Variants in DTL observed in about 807,000 individuals in gnomAD.
DTL encodes the protein denticleless protein homolog.
A neutral mutation model predicts 87.0 loss-of-function variants in DTL; 46 were observed. The ratio of observed to expected loss-of-function variants is 0.53; its 90% CI spans 0.42 to 0.68. DTL has a LOEUF of 0.68. Ranked by LOEUF, DTL falls within the 30% of genes least tolerant of loss-of-function variation. The pLI is 0.00. For missense variants in DTL, 737 were observed against 869.4 expected (o/e 0.85, Z 1.91); for synonymous variants, 308 against 311.2 (o/e 0.99, Z 0.11).
chr1:212,094,745 T>G (rs889288115), intron 13 of DTL, among the ~76,000 whole-genome samples: 2 of 152,212 alleles, frequency 1.3e-5, no homozygotes, highest in Non-Finnish European at 2.9e-5. Context: ...GTAGGTTGTG[T>G]TTTTCCATTT....
In DTL at chr1:212,100,706, C is replaced by G. The variant is rs942593782; in HGVS notation, c.1716C>G (p.Asn572Lys). 1.2e-6 allele frequency: 2 copies of G among 1,614,022 alleles called. No homozygotes were observed. Among genetic ancestry groups the G allele is most frequent in the African/African-American group, 2.7e-5 (2 of 74,914 alleles). The change falls in exon 14 of 15, where the codon AAC (asparagine) becomes AAG (lysine). Residue 572 changes from asparagine (N) to lysine (K), a missense_variant. Coordinates refer to ENST00000366991, the MANE Select transcript of DTL (RefSeq NM_016448.4). ...SVKQKCVKSC[N>K]CVTELDGQVE... ...AACAAAAGTGTGTGAAGAGTTGTAA[C>G]TGTGTGACTGAGCTTGATGGCCAAG...
intron 5 of DTL, among the ~76,000 whole-genome samples, chr1:212,053,967 C>T (rs780397842): frequency 1.9e-4 from 29 of 152,130 alleles, no homozygotes; most frequent in Non-Finnish European, 1.5e-4. Flanking sequence ...AGATTATATT[C>T]AGGACATTGC....
chr1:212,074,198 TGATA>T (rs1654763136), intron 11 of DTL, among the ~76,000 whole-genome samples: 1 of 151,512 alleles, frequency 6.6e-6, no homozygotes, highest in African/African-American at 2.4e-5. Flanking sequence ...TATAGTTTCT[TGATA>T]GTTTTTAAAT....
At chr1:212,041,880 G>A (rs1204670087) in intron 1 of DTL, among the ~76,000 whole-genome samples, 1 of 152,076 alleles carries the variant, frequency 6.6e-6, no homozygotes, top group Non-Finnish European at 1.5e-5. Flanking sequence ...ATGACGTGAT[G>A]GCCCCAGAAC....
intron 12 of DTL, among the ~76,000 whole-genome samples, chr1:212,078,477 G>A (rs557040405): frequency 6.6e-6 from 1 of 152,198 alleles, no homozygotes; most frequent in East Asian, 1.9e-4. Flanking sequence ...AATAAGGATA[G>A]ATTTCTGGTT....
intron 12 of DTL, among the ~76,000 whole-genome samples, chr1:212,079,263 GGGA>G (rs1654923972): frequency 1.3e-5 from 2 of 151,774 alleles, no homozygotes; most frequent in African/African-American, 4.8e-5. Context: ...GCATCTTCAT[GGGA>G]CTTACTAAGT....
rs185349899 is a variant in DTL at position 212,091,287 on chromosome 1, A to G, written c.1262-8965A>G. On this transcript the variant is annotated intron_variant, in intron 13 of 14. Coordinates refer to ENST00000366991, the MANE Select transcript of DTL (RefSeq NM_016448.4). ...ACACCTGTTAGGATAGCTTTTATCA[A>G]AAAGACAAAATGTAACAAGTATTGG... Among the ~76,000 whole-genome samples, 351 of 152,324 alleles carry G rather than the reference A, an allele frequency of 2.3e-3. 2 individuals carry two copies. Among genetic ancestry groups the G allele is most frequent in the African/African-American group, 8.0e-3 (331 of 41,574 alleles).
rs149872413 is a variant in DTL, at chr1:212,099,932, G to C, written c.1262-320G>C. On this transcript the variant is annotated intron_variant, in intron 13 of 14. Transcript: ENST00000366991. ...GTAAAGAAAAAAGTTGAGATGTATA[G>C]TATGTATCACATGCACAAATATAGA... Among the ~76,000 whole-genome samples, 182 of 152,272 alleles carry C rather than the reference G, an allele frequency of 1.2e-3. No homozygotes were observed. The East Asian group carries it at 0.019, about 16-fold the overall frequency.
At chr1:212,049,079 C>T (rs576580335) in intron 5 of DTL, among the ~76,000 whole-genome samples, 2 of 152,242 alleles carry the variant, frequency 1.3e-5, no homozygotes, top group African/African-American at 4.8e-5. Flanking sequence ...TGTACCACCA[C>T]GCCCAGCTAA....
intron 5 of DTL, among the ~76,000 whole-genome samples, chr1:212,058,953 G>C (rs1668257982): frequency 6.6e-6 from 1 of 152,016 alleles, no homozygotes; most frequent in Non-Finnish European, 1.5e-5. Context: ...TAGATTACAG[G>C]ACACATGCAA....
chr1:212,095,043 CA>C (rs1384054927), intron 13 of DTL, among the ~76,000 whole-genome samples: 5 of 152,104 alleles, frequency 3.3e-5, no homozygotes, highest in Admixed American at 2.0e-4. Context: ...CTAACAGTGA[CA>C]GGTTGACTTC....
intron 13 of DTL, among the ~76,000 whole-genome samples, chr1:212,090,936 G>A (rs1276017976): frequency 6.6e-6 from 1 of 152,234 alleles, no homozygotes; most frequent in Non-Finnish European, 1.5e-5. Flanking sequence ...GTGCATTCCT[G>A]TTTGAGAGCC....
chr1:212,055,150 A>G (rs1668128751), intron 5 of DTL, among the ~76,000 whole-genome samples: 1 of 152,218 alleles, frequency 6.6e-6, no homozygotes, highest in East Asian at 1.9e-4. Context: ...AGAAGTGATA[A>G]GAAGCTCCGG....
intron 12 of DTL, among the ~76,000 whole-genome samples, chr1:212,079,193 A>G (rs1017620718): frequency 1.6e-4 from 25 of 151,958 alleles, no homozygotes; most frequent in African/African-American, 6.0e-4. Flanking sequence ...ACCCAAAATT[A>G]CATATTAATG....
chr1:212,082,196 G>A (rs963633265), intron 13 of DTL, among the ~76,000 whole-genome samples: 1 of 152,106 alleles, frequency 6.6e-6, no homozygotes, highest in South Asian at 2.1e-4. Flanking sequence ...AATAAGGTGA[G>A]GCCTAAAAAC....
At chr1:212,088,395 G>A (rs1206362655) in intron 13 of DTL, among the ~76,000 whole-genome samples, 1 of 152,142 alleles carries the variant, frequency 6.6e-6, no homozygotes, top group Admixed American at 6.5e-5. Context: ...GGGGCACTGG[G>A]CCTAAAGATG....
chr1:212,065,899 G>A (rs113599153), intron 7 of DTL, among the ~76,000 whole-genome samples: 1 of 151,956 alleles, frequency 6.6e-6, no homozygotes, highest in African/African-American at 2.4e-5. Context: ...TAGAGACGGG[G>A]TTTCACCGTG....
At chr1:212,088,687 C>G (rs1314694041) in intron 13 of DTL, among the ~76,000 whole-genome samples, 1 of 152,246 alleles carries the variant, frequency 6.6e-6, no homozygotes, top group Admixed American at 6.5e-5. Flanking sequence ...TGACAGTACA[C>G]AGCTTGTTCA....
intron 13 of DTL, 57 bp downstream of exon 13, chr1:212,080,807 GTAC>G: frequency 1.3e-6 from 2 of 1,561,258 alleles, no homozygotes; most frequent in Non-Finnish European, 1.7e-6. Flanking sequence ...TAGTCCGACA[GTAC>G]AGAGTAATAA....
Sources: gnomAD v4.1 joint callset for allele counts (sites outside exome capture counted in the v4.1 genomes callset) on GRCh38, gnomAD v4.1.1 for gene constraint, MANE v1.5 for transcripts, NCBI Gene and HGNC (gene_info 2026-07-23, HGNC 2026-07-21) for gene names.